Variants in NTRK2 observed in about 807,000 individuals in gnomAD.
NTRK2 encodes BDNF/NT-3 growth factors receptor.
A neutral mutation model predicts 94.5 loss-of-function variants in NTRK2; 13 were observed. The ratio of observed to expected loss-of-function variants is 0.14; its 90% confidence interval spans 0.09 to 0.22. The LOEUF (loss-of-function observed/expected upper bound fraction) is 0.22, where lower values mean the gene tolerates loss of function less well. NTRK2 is among the 10% of genes least tolerant of loss of function. The pLI is 1.00. For synonymous variants in NTRK2, 372 were observed against 407.4 expected, an observed-to-expected ratio of 0.91 and a Z score of 1.05; for missense variants, 639 against 1,071.2, an observed-to-expected ratio of 0.60 and a Z score of 5.63.
At chr9:84,811,208 G>A in intron 12 of NTRK2, 1 of 1,063,174 alleles carries the variant, frequency 9.4e-7, no homozygotes, top group Non-Finnish European at 1.1e-6. Context: ...GTCAATAAAA[G>A]TCCAAATGTT....
intron 12 of NTRK2, among the ~76,000 whole-genome samples, chr9:84,754,397 T>C (rs2064897972): frequency 6.6e-6 from 1 of 152,164 alleles, no homozygotes; most frequent in East Asian, 1.9e-4. Flanking sequence ...AGGGTTATTG[T>C]TTTGCAAGTC....
At chr9:84,856,048 G>T (rs1407904882) in intron 12 of NTRK2, among the ~76,000 whole-genome samples, 1 of 152,146 alleles carries the variant, frequency 6.6e-6, no homozygotes, top group Non-Finnish European at 1.5e-5. Flanking sequence ...AGGGAAATAC[G>T]AATTTCAGAG....
intron 12 of NTRK2, chr9:84,815,717 G>A (rs2072332790): frequency 2.0e-6 from 2 of 1,007,708 alleles, no homozygotes; most frequent in Non-Finnish European, 2.4e-6. Flanking sequence ...CATGTGTCTT[G>A]CATTCTCTGT....
At chr9:84,875,237 A>C in intron 14 of NTRK2, 4 of 1,058,638 alleles carry the variant, frequency 3.8e-6, no homozygotes, top group Non-Finnish European at 4.6e-6. Flanking sequence ...TGTGCTGCAC[A>C]GTGTGTAGGA....
chr9:84,854,512 A>T (rs7032379), intron 12 of NTRK2, among the ~76,000 whole-genome samples: 4,249 of 152,252 alleles, frequency 0.028, 233 homozygotes, highest in African/African-American at 0.097. Context: ...AAAAGGTCAC[A>T]TATGGGTACC....
chr9:84,858,747 T>C (rs1482955248), intron 12 of NTRK2, among the ~76,000 whole-genome samples: 1 of 151,992 alleles, frequency 6.6e-6, no homozygotes. Flanking sequence ...GCCTGATAAA[T>C]AAATAAATGA....
At position 84,733,986 on chromosome 9, in the gene NTRK2, G is replaced by A. The variant is rs548997156; in HGVS notation, c.1159+6027G>A. The stretch of plus-strand genomic sequence containing the variant: ...CTCCACTTTCCATATTATTTAAAGA[G>A]CAGCTTTGCTGCAGTGGGAAGGGTT... On this transcript the variant is annotated intron_variant, in intron 9 of 18. Coordinates refer to ENST00000277120, the MANE Select transcript of NTRK2 (RefSeq NM_006180.6). Among the ~76,000 whole-genome samples the A allele has an allele frequency of 8.5e-5, 13 of 152,340 alleles. No homozygotes were observed. The East Asian group carries it at 2.5e-3, about 29-fold the overall frequency.
intron 16 of NTRK2, among the ~76,000 whole-genome samples, chr9:84,949,554 G>A (rs1314730577): frequency 3.9e-5 from 6 of 152,136 alleles, no homozygotes; most frequent in South Asian, 4.2e-4. Flanking sequence ...TGCAACCTCC[G>A]CCTCCCAGGT....
intron 2 of NTRK2, among the ~76,000 whole-genome samples, chr9:84,692,468 CTTTTTTTTTT>C (rs71369138): frequency 1.1e-5 from 1 of 87,694 alleles, no homozygotes; most frequent in Non-Finnish European, 2.1e-5. Context: ...TTCTTTTTTT[CTTTTTTTTTT>C]TTTTTTTTTT....
chr9:84,866,135 T>G (rs558141444), intron 13 of NTRK2, among the ~76,000 whole-genome samples: 1 of 152,190 alleles, frequency 6.6e-6, no homozygotes, highest in Non-Finnish European at 1.5e-5. Flanking sequence ...GCAGGTAACT[T>G]TGCCATGGGA....
At chr9:84,733,941 G>A (rs191061624) in intron 9 of NTRK2, among the ~76,000 whole-genome samples, 7 of 152,276 alleles carry the variant, frequency 4.6e-5, no homozygotes, top group African/African-American at 1.7e-4. Flanking sequence ...TTTGAACTTG[G>A]AATCCTGAGC....
Position 84,995,809 on chromosome 9 carries a change from G to C in NTRK2, c.2173-24397G>C, listed in dbSNP as rs553985896. 1.9e-4 allele frequency among the ~76,000 whole-genome samples: 29 copies of C among 152,294 alleles called. 1 individual carries two copies. The highest frequency in any genetic ancestry group is 1.5e-3 in the South Asian group (7 of 4,826). On this transcript the variant is annotated intron_variant, in intron 17 of 18. Coordinates refer to ENST00000277120, the MANE Select transcript of NTRK2 (RefSeq NM_006180.6). ...AAACTCGAGGTCAGGTCCAAATTTA[G>C]GCTAACAATTCCAGATGCTTAAAGT...
chr9:84,854,874 G>GGCTTTAATGGCTTAAACCC, intron 12 of NTRK2, among the ~76,000 whole-genome samples: 1 of 140,902 alleles, frequency 7.1e-6, no homozygotes, highest in Non-Finnish European at 1.5e-5. Context: ...TTAAACCCAG[G>GGCTTTAATGGCTTAAACCC]AGGCAGAAAT....
At chr9:84,828,572 A>G (rs1159350188) in intron 12 of NTRK2, among the ~76,000 whole-genome samples, 1 of 152,200 alleles carries the variant, frequency 6.6e-6, no homozygotes, top group Non-Finnish European at 1.5e-5. Flanking sequence ...TGGCCTCATT[A>G]GTACAACAAC....
chr9:84,759,052 G>A (rs1760556668), intron 12 of NTRK2, among the ~76,000 whole-genome samples: 1 of 152,142 alleles, frequency 6.6e-6, no homozygotes, highest in African/African-American at 2.4e-5. Context: ...TCTCTTAAGA[G>A]GCAACAAAAT....
chr9:85,020,064 A>G, intron 17 of NTRK2, 142 bp from the exon 18 acceptor site: 1 of 846,676 alleles, frequency 1.2e-6, no homozygotes, highest in African/African-American at 1.7e-5. Context: ...GACTGTGAAG[A>G]AGTCATATAT....
At position 84,825,045 on chromosome 9, in the gene NTRK2, G is replaced by A. The variant is rs141714607; in HGVS notation, c.1397-35995G>A. ...ACGTGTTCCCAGACACACCTGCCCC[G>A]TGCCTTCTGCTGTAGTGGACAATTT... On this transcript the variant is annotated intron_variant, in intron 12 of 18. Coordinates refer to ENST00000277120, the MANE Select transcript of NTRK2 (RefSeq NM_006180.6). Among the ~76,000 whole-genome samples the A allele has an allele frequency of 3.3e-5, 5 of 150,262 alleles. No individual in the cohort carries two copies. In the South Asian group the frequency reaches 6.4e-4, roughly 19 times the overall value.
intron 17 of NTRK2, among the ~76,000 whole-genome samples, chr9:84,996,494 C>G (rs189451712): frequency 6.6e-6 from 1 of 152,208 alleles, no homozygotes; most frequent in Non-Finnish European, 1.5e-5. Flanking sequence ...TTCCTTCTAT[C>G]GCTATCTCCT....
chr9:84,840,834 C>G (rs139256068), intron 12 of NTRK2, among the ~76,000 whole-genome samples: 6 of 152,258 alleles, frequency 3.9e-5, no homozygotes, highest in African/African-American at 1.4e-4. Context: ...CAGAGTGTCC[C>G]CTTCAGAGGT....
Sources: allele counts gnomAD v4.1 joint callset (sites outside exome capture counted in the v4.1 genomes callset), GRCh38; gene constraint gnomAD v4.1.1; transcripts MANE v1.5; gene names NCBI Gene and HGNC (gene_info 2026-07-23, HGNC 2026-07-21).